Variants in MARCHF1 observed in about 807,000 individuals in gnomAD.
MARCHF1 encodes E3 ubiquitin-protein ligase MARCHF1.
Under a neutral mutation model 54.2 loss-of-function variants are expected in MARCHF1, and 40 were observed. That is an observed-to-expected ratio of 0.74 (90% CI 0.57 to 0.96). The LOEUF (loss-of-function observed/expected upper bound fraction) is 0.96. Ranked by LOEUF, MARCHF1 falls within the 40% of genes least tolerant of loss-of-function variation. MARCHF1 has a pLI of 0.00. For synonymous variants in MARCHF1, 236 were observed against 236.3 expected (o/e 1.00, Z 0.01); for missense variants, 586 against 656.5 (o/e 0.89, Z 1.17).
At chr4:164,214,421 T>C (rs1035048710) in intron 1 of MARCHF1, among the ~76,000 whole-genome samples, 1 of 152,164 alleles carries the variant, frequency 6.6e-6, no homozygotes, top group African/African-American at 2.4e-5. Flanking sequence ...CATCTTTGTT[T>C]ATGTAACAAA....
At chr4:163,731,288 G>A (rs1745821449) in intron 4 of MARCHF1, among the ~76,000 whole-genome samples, 1 of 152,132 alleles carries the variant, frequency 6.6e-6, no homozygotes, top group Non-Finnish European at 1.5e-5. Context: ...AATTGGAAAT[G>A]ACATCTATTT....
In MARCHF1 at chr4:164,197,150, C is replaced by T. The variant is rs115514517; in HGVS notation, c.-322-85488G>A. 9.3e-4 allele frequency: 1,502 copies of T among 1,606,608 alleles called. 16 individuals are homozygous for T. The African/African-American group carries it at 0.018, about 19-fold the overall frequency. ...TCTTCACCTTCCTCCTCCTCCTCCT[C>T]GCCCTCCTCATCTTCCACTACCTGA... On this transcript the variant is annotated intron_variant, in intron 1 of 9. Coordinates refer to ENST00000514618, the MANE Select transcript of MARCHF1 (RefSeq NM_001394959.1).
chr4:163,934,792 CAACTGAACTTGACCG>C (rs1751759186), intron 3 of MARCHF1, among the ~76,000 whole-genome samples: 2 of 151,910 alleles, frequency 1.3e-5, no homozygotes, highest in East Asian at 3.9e-4. Context: ...TCAAGTTAGT[CAACTGAACTTGACCG>C]AACTGAAGTT....
At chr4:163,974,376 A>T (rs972652283) in intron 3 of MARCHF1, among the ~76,000 whole-genome samples, 2 of 152,206 alleles carry the variant, frequency 1.3e-5, no homozygotes, top group African/African-American at 4.8e-5. Context: ...AGCCAATGAC[A>T]CAAACAGCTA....
intron 2 of MARCHF1, among the ~76,000 whole-genome samples, chr4:164,083,052 A>T (rs1234174558): frequency 6.6e-6 from 1 of 152,202 alleles, no homozygotes; most frequent in Non-Finnish European, 1.5e-5. Context: ...GGTGGTTTAG[A>T]CAGGGAAGGT....
At position 163,785,371 on chromosome 4, in the gene MARCHF1, G is replaced by C. The variant is rs139948877; in HGVS notation, c.111+68650C>G. ...ATTTGTATAGCTTGCTCGATTGAAA[G>C]TGTGTCACAACCTAAAGAAGCTGGT... On this transcript the variant is annotated intron_variant, in intron 4 of 9. Coordinates refer to ENST00000514618, the MANE Select transcript of MARCHF1 (RefSeq NM_001394959.1). Among the ~76,000 whole-genome samples, 148 of 152,192 alleles carry C rather than the reference G, an allele frequency of 9.7e-4. 2 individuals are homozygous for C. The East Asian group carries it at 0.024, about 25-fold the overall frequency.
chr4:164,261,541 G>A lies in MARCHF1; in HGVS notation c.-323+122329C>T, dbSNP rs1401340085. On this transcript the variant is annotated intron_variant, in intron 1 of 9. Coordinates refer to ENST00000514618, the MANE Select transcript of MARCHF1 (RefSeq NM_001394959.1). The stretch of plus-strand genomic sequence containing the variant: ...CTAACACTTAAGCATAGCTCTAAAT[G>A]GTCTCTTTCCTGGCTATGTTTCTGA... 3.3e-5 allele frequency among the ~76,000 whole-genome samples: 5 copies of A among 152,066 alleles called. No homozygotes were observed. The South Asian group carries it at 1.0e-3, about 32-fold the overall frequency.
At chr4:164,044,848 A>C (rs137954953) in intron 2 of MARCHF1, among the ~76,000 whole-genome samples, 90 of 152,160 alleles carry the variant, frequency 5.9e-4, no homozygotes, top group African/African-American at 2.1e-3. Flanking sequence ...ATATATAGAC[A>C]TTATTTCTCT....
intron 3 of MARCHF1, among the ~76,000 whole-genome samples, chr4:163,895,479 T>C (rs1056554531): frequency 3.3e-5 from 5 of 152,160 alleles, no homozygotes; most frequent in African/African-American, 1.2e-4. Flanking sequence ...CAAATCACAC[T>C]CTGCCACCTA....
chr4:163,602,201 T>C (rs950034882), intron 7 of MARCHF1, among the ~76,000 whole-genome samples: 3 of 152,104 alleles, frequency 2.0e-5, no homozygotes, highest in African/African-American at 4.8e-5. Context: ...ATTTATAATA[T>C]ACAATGTGGT....
intron 1 of MARCHF1, among the ~76,000 whole-genome samples, chr4:164,153,878 A>C (rs114252302): frequency 0.016 from 2,500 of 152,280 alleles, 59 homozygotes; most frequent in African/African-American, 0.056. Flanking sequence ...TGATACACTA[A>C]AATATTAATG....
chr4:164,298,196 A>C (rs1043667842), intron 1 of MARCHF1, among the ~76,000 whole-genome samples: 1 of 152,206 alleles, frequency 6.6e-6, no homozygotes, highest in African/African-American at 2.4e-5. Flanking sequence ...CCACTACTAA[A>C]TAGTATTTTT....
At chr4:164,165,001 C>T (rs1730333895) in intron 1 of MARCHF1, among the ~76,000 whole-genome samples, 1 of 151,950 alleles carries the variant, frequency 6.6e-6, no homozygotes, top group Non-Finnish European at 1.5e-5. Context: ...ATTGGATTCA[C>T]CTATGTCAGT....
chr4:164,317,501 T>TA (rs1393011482), intron 1 of MARCHF1, among the ~76,000 whole-genome samples: 2 of 152,044 alleles, frequency 1.3e-5, no homozygotes, highest in Non-Finnish European at 2.9e-5. Context: ...ATCCACTACC[T>TA]AAGCAAGAGG....
At chr4:164,069,607 G>A (rs1754817002) in intron 2 of MARCHF1, among the ~76,000 whole-genome samples, 1 of 152,018 alleles carries the variant, frequency 6.6e-6, no homozygotes, top group Non-Finnish European at 1.5e-5. Flanking sequence ...GAACCCACCA[G>A]AAGGAAGAAA....
intron 2 of MARCHF1, among the ~76,000 whole-genome samples, chr4:164,067,307 G>A (rs1306898512): frequency 6.6e-6 from 1 of 152,156 alleles, no homozygotes; most frequent in Non-Finnish European, 1.5e-5. Context: ...AAATCTGGAA[G>A]CATCACACTA....
At chr4:164,343,615 A>G (rs1312955502) in intron 1 of MARCHF1, among the ~76,000 whole-genome samples, 1 of 152,218 alleles carries the variant, frequency 6.6e-6, no homozygotes, top group Non-Finnish European at 1.5e-5. Context: ...GCTAACAACC[A>G]TATGAAAAAT....
chr4:164,116,632 T>G (rs902202330), intron 1 of MARCHF1, among the ~76,000 whole-genome samples: 2 of 152,048 alleles, frequency 1.3e-5, no homozygotes, highest in Admixed American at 6.6e-5. Flanking sequence ...TTTTAAATTC[T>G]CAGCTTCTTA....
At chr4:163,758,927 G>T (rs1389702) in intron 4 of MARCHF1, among the ~76,000 whole-genome samples, 5,977 of 152,050 alleles carry the variant, frequency 0.039, 384 homozygotes, top group African/African-American at 0.14. Flanking sequence ...GCAAATAAAA[G>T]GTTTTTAAAT....
Sources: allele counts gnomAD v4.1 joint callset (sites outside exome capture counted in the v4.1 genomes callset), GRCh38; gene constraint gnomAD v4.1.1; transcripts MANE v1.5; gene names NCBI Gene and HGNC (gene_info 2026-07-23, HGNC 2026-07-21).